The following HECTD4 variants were observed in gnomAD, a reference collection of about 807,000 sequenced individuals.
HECTD4 encodes HECT domain E3 ubiquitin protein ligase 4.
A neutral mutation model predicts 471.5 loss-of-function variants in HECTD4; 114 were observed. The observed-to-expected ratio is 0.24, with a 90% CI of 0.21 to 0.28. HECTD4 has a LOEUF of 0.28. Among genes scored for constraint, HECTD4 ranks in the 10% least tolerant of loss-of-function variants. The pLI, the probability that HECTD4 is intolerant of heterozygous loss-of-function variation, is 1.00. For missense variants in HECTD4, 3,866 were observed against 5,651.5 expected, an observed-to-expected ratio of 0.68 and a Z score of 10.13; for synonymous variants, 2,012 against 2,256.0, an observed-to-expected ratio of 0.89 and a Z score of 3.07.
In HECTD4 at chr12:112,207,908, C is replaced by T. The variant is rs535099270; in HGVS notation, c.8097G>A (p.Ser2699=). Reference sequence around the variant, plus strand: ...AGGCCCCCTTTATCTGGTCCAGGCCCGATTTCCGCTCTGCTTCATTGCGGA... The same window carrying T: ...AGGCCCCCTTTATCTGGTCCAGGCCTGATTTCCGCTCTGCTTCATTGCGGA... ...RRFRNEAERK[S]GLDQIKGALQ... Residue 2699 remains serine (S), a synonymous_variant, in exon 52 of 76, where the codon TCG becomes TCA. Transcript: ENST00000682272. 8.7e-6 allele frequency: 14 copies of T among 1,613,942 alleles called. No homozygotes were observed. Among genetic ancestry groups the T allele is most frequent in the South Asian group, 5.5e-5 (5 of 91,068 alleles).
chr12:112,305,977 G>C, intron 7 of HECTD4, 87 bp downstream of exon 7: 8 of 1,253,376 alleles, frequency 6.4e-6, no homozygotes, highest in Non-Finnish European at 8.8e-6. Context: ...CACGCTGCAA[G>C]GTTCTTAGGC....
chr12:112,307,308 TAC>T (rs1192961329), intron 6 of HECTD4, among the ~76,000 whole-genome samples: 1 of 152,214 alleles, frequency 6.6e-6, no homozygotes, highest in Non-Finnish European at 1.5e-5. Context: ...ACTTTGAACC[TAC>T]AGTGCCAGGA....
chr12:112,263,045 G>A (rs2034185224), intron 17 of HECTD4, among the ~76,000 whole-genome samples: 1 of 151,954 alleles, frequency 6.6e-6, no homozygotes, highest in Non-Finnish European at 1.5e-5. Context: ...ATACCACATG[G>A]CAGCAAAGTG....
At chr12:112,189,675 CT>C (rs1489737783) in intron 60 of HECTD4, among the ~76,000 whole-genome samples, 1 of 152,136 alleles carries the variant, frequency 6.6e-6, no homozygotes, top group Admixed American at 6.6e-5. Context: ...CAAAGTCCCC[CT>C]GCCAACTTTC....
intron 13 of HECTD4, chr12:112,267,237 G>A (rs931848102): frequency 1.8e-5 from 8 of 454,210 alleles, no homozygotes; most frequent in African/African-American, 2.0e-5. Flanking sequence ...GACCATCCCC[G>A]ATAGAGGAGG....
intron 38 of HECTD4, among the ~76,000 whole-genome samples, 152 bp downstream of exon 38, chr12:112,232,852 G>C (rs1566081450): frequency 6.6e-6 from 1 of 152,100 alleles, no homozygotes; most frequent in Non-Finnish European, 1.5e-5. Flanking sequence ...TCTTTAAAAT[G>C]GCCTCAGTTA....
chr12:112,212,211 T>A (rs1192727360), intron 49 of HECTD4, among the ~76,000 whole-genome samples: 1 of 152,246 alleles, frequency 6.6e-6, no homozygotes, highest in Non-Finnish European at 1.5e-5. Context: ...TTGAAAGAAC[T>A]CTAGTGTTCC....
intron 19 of HECTD4, 35 bp from the exon 20 acceptor site, chr12:112,258,631 C>T: frequency 6.5e-7 from 1 of 1,535,850 alleles, no homozygotes; most frequent in Non-Finnish European, 8.8e-7. Context: ...TCTTCCAGGG[C>T]TACTGTCAGT....
At chr12:112,300,722 C>T (rs1472268304) in intron 7 of HECTD4, among the ~76,000 whole-genome samples, 5 of 152,076 alleles carry the variant, frequency 3.3e-5, no homozygotes, top group South Asian at 2.1e-4. Flanking sequence ...CTCAGCCTCC[C>T]GAGTAGCTAA....
Position 112,212,667 on chromosome 12 carries a change from G to A in HECTD4, c.7466-17C>T. On this transcript the variant is annotated splice_polypyrimidine_tract_variant and intron_variant, in intron 48 of 75. Coordinates refer to ENST00000682272, the MANE Select transcript of HECTD4 (RefSeq NM_001388303.1). ...CCACGTCACCTATAGCAGAGAACGGGAAGGAAAACATATTTTCTCCCTTTT... is the reference window on the plus strand; with the variant it reads ...CCACGTCACCTATAGCAGAGAACGGAAAGGAAAACATATTTTCTCCCTTTT... 6.3e-7 allele frequency: 1 copy of A among 1,575,724 alleles called. No individual in the cohort carries two copies. Among genetic ancestry groups the A allele is most frequent in the Non-Finnish European group, 8.6e-7 (1 of 1,159,496 alleles).
intron 1 of HECTD4, among the ~76,000 whole-genome samples, chr12:112,336,177 C>T (rs1475432028): frequency 6.6e-6 from 1 of 152,074 alleles, no homozygotes; most frequent in Non-Finnish European, 1.5e-5. Flanking sequence ...CAATTTTCTT[C>T]GACAAATAAA....
intron 68 of HECTD4, chr12:112,170,663 G>A: frequency 1.8e-6 from 1 of 560,650 alleles, no homozygotes; most frequent in Non-Finnish European, 3.1e-6. Flanking sequence ...TAGAAACAAT[G>A]CAAACAAACT....
chr12:112,266,146 C>T (rs767805202), intron 14 of HECTD4, among the ~76,000 whole-genome samples, 163 bp from the exon 15 acceptor site: 7 of 152,158 alleles, frequency 4.6e-5, no homozygotes, highest in Non-Finnish European at 2.9e-5. Context: ...ACAACGAATC[C>T]GACTTTTTAA....
chr12:112,302,769 C>A lies in HECTD4; in HGVS notation c.1335+3295G>T, dbSNP rs1007528859. On this transcript the variant is annotated intron_variant, in intron 7 of 75. Coordinates refer to ENST00000682272, the MANE Select transcript of HECTD4 (RefSeq NM_001388303.1). ...CACTTTTCTAATGATCCTTGGTAGT[C>A]TGCTCTTTTTGTTTAATTTTAAAAC... 1.7e-5 allele frequency: 5 copies of A among 300,562 alleles called. No individual in the cohort carries two copies. In the Admixed American group the frequency reaches 2.3e-4, roughly 14 times the overall value. 18.6% of individuals were successfully genotyped at this position (300,562 alleles called of 1,614,324 possible).
In HECTD4 at chr12:112,193,111, T is replaced by G. The variant is rs761986965; in HGVS notation, c.9036A>C (p.Ala3012=). 1 of 1,613,960 alleles carries G rather than the reference T, an allele frequency of 6.2e-7. No individual in the cohort carries two copies. The highest frequency in any genetic ancestry group is 8.5e-7 in the Non-Finnish European group (1 of 1,179,888). Reference sequence around the variant, plus strand: ...CTTTACAAGACACAACAACAAAAGCTGCCCCGGGGAAATTCACGTCCATGT... The same window carrying G: ...CTTTACAAGACACAACAACAAAAGCGGCCCCGGGGAAATTCACGTCCATGT... The part of the protein sequence containing the change: ...KVNMDVNFPG[A]AFVVVSCKES... Residue 3012 remains alanine (A), a synonymous_variant, in exon 58 of 76, where the codon GCA becomes GCC. Transcript: ENST00000682272. The surrounding 1 kb of genome is among the most constrained non-coding windows in gnomAD (Gnocchi z 5.2).
intron 27 of HECTD4, 145 bp from the exon 28 acceptor site, chr12:112,247,695 G>T: frequency 2.3e-6 from 1 of 444,194 alleles, no homozygotes; most frequent in South Asian, 7.0e-5. Context: ...GTTATTATTT[G>T]ATATTTTAAT....
At chr12:112,219,844 C>A (rs372156155) in intron 44 of HECTD4, among the ~76,000 whole-genome samples, 11 of 152,134 alleles carry the variant, frequency 7.2e-5, no homozygotes, top group Non-Finnish European at 1.5e-4. Context: ...AGGTGATCCG[C>A]CTGCCTCAGC....
chr12:112,297,034 G>T (rs2035045854), intron 7 of HECTD4, among the ~76,000 whole-genome samples: 1 of 148,924 alleles, frequency 6.7e-6, no homozygotes, highest in Non-Finnish European at 1.5e-5. Context: ...GAAGGTGTAG[G>T]TGCAGTGGAT....
intron 54 of HECTD4, chr12:112,203,117 T>C (rs941091255): frequency 6.6e-6 from 1 of 152,364 alleles, no homozygotes; most frequent in African/African-American, 2.4e-5. Context: ...GACTAGCTAA[T>C]TTTTTGTAGA....
Sources: allele counts gnomAD v4.1 joint callset (sites outside exome capture counted in the v4.1 genomes callset), GRCh38; gene constraint gnomAD v4.1.1; non-coding constraint Gnocchi (gnomAD v3.1); transcripts MANE v1.5; gene names NCBI Gene and HGNC (gene_info 2026-07-23, HGNC 2026-07-21).